The following MICAL3 variants were observed in gnomAD, a reference collection of about 807,000 sequenced individuals.
The protein encoded by MICAL3 is [F-actin]-monooxygenase MICAL3.
Under a neutral mutation model 207.4 loss-of-function variants are expected in MICAL3, and 62 were observed. That is an observed-to-expected ratio of 0.30 (90% CI 0.24 to 0.37). The LOEUF (loss-of-function observed/expected upper bound fraction) is 0.37. Among genes scored for constraint, MICAL3 ranks in the 10% least tolerant of loss-of-function variants. The probability of loss-of-function intolerance (pLI) is 1.00; values close to 1 mark genes in which losing one functional copy is unlikely to be tolerated. For synonymous variants in MICAL3, 1,077 were observed against 1,069.3 expected, an observed-to-expected ratio of 1.01 and a Z score of -0.14; for missense variants, 2,368 against 2,635.6, an observed-to-expected ratio of 0.90 and a Z score of 2.22.
At chr22:17,816,329 G>A (rs755835958) in intron 27 of MICAL3, among the ~76,000 whole-genome samples, 2 of 152,212 alleles carry the variant, frequency 1.3e-5, no homozygotes, top group East Asian at 1.9e-4. Flanking sequence ...CCTGGACTGC[G>A]CAGTGTTCTC....
rs5992115 is a variant in MICAL3, at chr22:17,822,179, G to A, written c.3308-9C>T. 11,451 of 1,612,758 alleles carry A rather than the reference G, an allele frequency of 7.1e-3. 681 individuals are homozygous for A. In the African/African-American group the frequency reaches 0.13, roughly 18 times the overall value. On this transcript the variant is annotated splice_polypyrimidine_tract_variant and intron_variant, in intron 23 of 31. Coordinates refer to ENST00000441493, the MANE Select transcript of MICAL3 (RefSeq NM_015241.3). ...GTCAGACCAGTGCTGATCTGGCAGA[G>A]GGAAGGGGCAGAAGTGGGTGCACAC...
At position 17,892,522 on chromosome 22, in the gene MICAL3, C is replaced by T. The variant is rs78706113; in HGVS notation, c.1547-890G>A. Among the ~76,000 whole-genome samples, 1,402 of 152,198 alleles carry T rather than the reference C, an allele frequency of 9.2e-3. 20 individuals are homozygous for T. Among genetic ancestry groups the T allele is most frequent in the African/African-American group, 0.031 (1,307 of 41,506 alleles). ...ATCCTGTTTCATTTAGGTTTTTCGC[C>T]ATGAAAATGTATTCTGCGATAACAC... is the stretch of plus-strand genomic sequence containing the variant. On this transcript the variant is annotated intron_variant, in intron 11 of 31. Coordinates refer to ENST00000441493, the MANE Select transcript of MICAL3 (RefSeq NM_015241.3).
chr22:17,920,128 C>T (rs12158153), intron 1 of MICAL3, among the ~76,000 whole-genome samples: 4,335 of 152,316 alleles, frequency 0.028, 188 homozygotes, highest in African/African-American at 0.093. Context: ...ACTTGCTGGG[C>T]GGTGACGGAG....
chr22:17,795,716 C>T (rs977843223), intron 29 of MICAL3, among the ~76,000 whole-genome samples: 3 of 152,242 alleles, frequency 2.0e-5, no homozygotes, highest in South Asian at 2.1e-4. Flanking sequence ...GTCCGAGCTG[C>T]GCTGCGGGGC....
At chr22:18,013,734 G>A (rs1480503149) in intron 1 of MICAL3, among the ~76,000 whole-genome samples, 1 of 152,024 alleles carries the variant, frequency 6.6e-6, no homozygotes, top group East Asian at 1.9e-4. Flanking sequence ...AAAGCAATTG[G>A]CACTTTTAGT....
chr22:17,877,009 T>C (rs374887636), intron 16 of MICAL3: 2 of 33,968 alleles, frequency 5.9e-5, no homozygotes, highest in African/African-American at 2.4e-4. Flanking sequence ...AGGGAGGTTA[T>C]GGAGGTTATG....
In MICAL3 at chr22:17,902,881, C is replaced by G; in HGVS notation, c.473-134G>C. 3.3e-6 allele frequency: 2 copies of G among 600,122 alleles called. No homozygotes were observed. Among genetic ancestry groups the G allele is most frequent in the Non-Finnish European group, 3.0e-6 (1 of 330,760 alleles). 37.2% of individuals were successfully genotyped at this position (600,122 alleles called of 1,614,324 possible). The stretch of plus-strand genomic sequence containing the variant: ...TCCCAAAGCCTGCTGTAGCAGGAGA[C>G]CTTCCAAAGCCACGCTCTGTAACTT... On this transcript the variant is annotated intron_variant, in intron 3 of 31. Coordinates refer to ENST00000441493, the MANE Select transcript of MICAL3 (RefSeq NM_015241.3). The surrounding 1 kb of genome is among the most constrained non-coding windows in gnomAD (Gnocchi z 4.5).
At chr22:17,824,622 C>T (rs746639854) in intron 22 of MICAL3, among the ~76,000 whole-genome samples, 9 of 152,180 alleles carry the variant, frequency 5.9e-5, no homozygotes, top group East Asian at 1.9e-4. Context: ...AGACGGCCCA[C>T]GTCACAGGGA....
chr22:17,955,288 C>A (rs1450494007), intron 1 of MICAL3, among the ~76,000 whole-genome samples: 1 of 152,190 alleles, frequency 6.6e-6, no homozygotes, highest in African/African-American at 2.4e-5. Flanking sequence ...ATGCAAGGAT[C>A]TGTCCAGGAG....
At chr22:18,000,433 G>A (rs1421084738) in intron 1 of MICAL3, among the ~76,000 whole-genome samples, 1 of 152,208 alleles carries the variant, frequency 6.6e-6, no homozygotes, top group African/African-American at 2.4e-5. Context: ...ATACGGGGCT[G>A]GTCCCCGCCC....
intron 1 of MICAL3, among the ~76,000 whole-genome samples, chr22:17,968,834 G>A (rs1935274566): frequency 6.6e-6 from 1 of 152,086 alleles, no homozygotes; most frequent in East Asian, 1.9e-4. Context: ...CTTCAAACAT[G>A]CCTTGTGACC....
In MICAL3 at chr22:17,879,376, G is replaced by A. The variant is rs201340425; in HGVS notation, c.2241+6502C>T. On this transcript the variant is annotated intron_variant, in intron 16 of 31. Coordinates refer to ENST00000441493, the MANE Select transcript of MICAL3 (RefSeq NM_015241.3). Reference sequence around the variant, plus strand: ...CATGGTGGGGGCTCTGCTTGCCACGGTTGTCAGCATCAAGATCCCTGTATG... The same window carrying A: ...CATGGTGGGGGCTCTGCTTGCCACGATTGTCAGCATCAAGATCCCTGTATG... 8 of 1,612,204 alleles carry A rather than the reference G, an allele frequency of 5.0e-6. No individual in the cohort carries two copies. The African/African-American group carries it at 9.3e-5, about 19-fold the overall frequency.
intron 1 of MICAL3, among the ~76,000 whole-genome samples, chr22:17,929,573 T>C (rs866079555): frequency 1.7e-4 from 22 of 129,016 alleles, no homozygotes; most frequent in South Asian, 2.6e-4. Context: ...CTTTTCTTTT[T>C]TTTTTTTTTT....
chr22:17,864,646 C>T (rs558805532), intron 19 of MICAL3: 13 of 1,591,734 alleles, frequency 8.2e-6, no homozygotes, highest in Admixed American at 6.8e-5. Flanking sequence ...GCCCACCGGA[C>T]GGCCCCATCA....
intron 1 of MICAL3, among the ~76,000 whole-genome samples, chr22:17,989,259 C>A (rs946712231): frequency 1.3e-5 from 2 of 152,174 alleles, no homozygotes; most frequent in African/African-American, 4.8e-5. Flanking sequence ...GCTAAGCCTG[C>A]CGCTACCTTA....
chr22:17,841,973 G>T lies in MICAL3; in HGVS notation c.2650C>A (p.Leu884Met). 6.2e-7 allele frequency: 1 copy of T among 1,606,586 alleles called. No homozygotes were observed. ...TCGATCCGCTCTGGGGTGCCCCTCA[G>T]TCGCTTGGCGATGCTGGGCTCCTCC... is the stretch of plus-strand genomic sequence containing the variant. ...GLEEPSIAKR[L>M]RGTPERIELE... is the part of the protein sequence containing the mutation. The change falls in exon 20 of 32, where the codon CTG (leucine) becomes ATG (methionine). Residue 884 changes from leucine to methionine, a missense_variant. Leu to Met is a conservative substitution (Grantham distance 15). Transcript: ENST00000441493. This position sits in a 1 kb window ranked among gnomAD's most constrained non-coding sequence, Gnocchi z 4.2.
rs528433932 is a variant in MICAL3, at chr22:17,816,641, G to A, written c.5445+49C>T. The A allele has an allele frequency of 1.2e-5, 17 of 1,425,520 alleles. No individual in the cohort carries two copies. The East Asian group carries it at 3.5e-4, about 29-fold the overall frequency. 88.3% of individuals were successfully genotyped at this position (1,425,520 alleles called of 1,614,324 possible). A position where few individuals can be genotyped will look rare whatever the true frequency, so the allele number is the denominator to read the frequency against. ...CTCTACCCCACCAAAGCCCAACAAT[G>A]AACAGACAGGGCCCCAGGCCCTGTG... On this transcript the variant is annotated intron_variant, in intron 27 of 31. Transcript: ENST00000441493.
chr22:17,808,857 G>A lies in MICAL3; in HGVS notation c.5637C>T (p.Leu1879=), dbSNP rs553074399. ...EERGVAVEKA[L]RGEAGMGKKD... ...GCCCGGCAGTACCTGCTTCGCCCCG[G>A]AGCGCCTTCTCCACAGCCACGCCCC... The change falls in exon 29 of 32, where the codon CTC becomes CTT. Residue 1879 remains leucine, a synonymous_variant. Coordinates refer to ENST00000441493, the MANE Select transcript of MICAL3 (RefSeq NM_015241.3). 4 of 1,552,844 alleles carry A rather than the reference G, an allele frequency of 2.6e-6. No homozygotes were observed. The East Asian group carries it at 9.8e-5, about 38-fold the overall frequency.
Position 17,841,685 on chromosome 22 carries a change from G to A in MICAL3, c.2801+137C>T, listed in dbSNP as rs2146073650. ...GAAGATGAGGCTAAGAACCTAAAAG[G>A]GACTGGGGAGAATGGACTGCGGGCA... On this transcript the variant is annotated intron_variant, in intron 20 of 31. Coordinates refer to ENST00000441493, the MANE Select transcript of MICAL3 (RefSeq NM_015241.3). The surrounding 1 kb of genome is among the most constrained non-coding windows in gnomAD (Gnocchi z 4.2). 1.2e-6 allele frequency: 1 copy of A among 806,176 alleles called. No homozygotes were observed. Among genetic ancestry groups the A allele is most frequent in the African/African-American group, 1.7e-5 (1 of 58,666 alleles). The allele number at this position is 806,176 out of a possible 1,614,324, so 49.9% of individuals were successfully genotyped here. A position where few individuals can be genotyped will look rare whatever the true frequency, so the allele number is the denominator to read the frequency against.
Sources: allele counts gnomAD v4.1 joint callset (sites outside exome capture counted in the v4.1 genomes callset), GRCh38; gene constraint gnomAD v4.1.1; non-coding constraint Gnocchi (gnomAD v3.1); transcripts MANE v1.5; gene names NCBI Gene and HGNC (gene_info 2026-07-23, HGNC 2026-07-21).